The following FBXO27 variants were observed in gnomAD, a reference collection of about 807,000 sequenced individuals.
FBXO27 encodes F-box only protein 27.
Under a neutral mutation model 28.3 loss-of-function variants are expected in FBXO27, and 28 were observed. The observed-to-expected ratio is 0.99, with a 90% CI of 0.73 to 1.36. The LOEUF (loss-of-function observed/expected upper bound fraction) is 1.36, where lower values mean the gene tolerates loss of function less well. Among genes scored for constraint, FBXO27 ranks in the 40% most tolerant of loss-of-function variants. The pLI, the probability that FBXO27 is intolerant of heterozygous loss-of-function variation, is 0.00. For synonymous variants in FBXO27, 175 were observed against 167.3 expected, an observed-to-expected ratio of 1.05 and a Z score of -0.36; for missense variants, 388 against 394.1, an observed-to-expected ratio of 0.98 and a Z score of 0.13.
chr19:39,011,679 C>A (rs1444758981), intron 2 of FBXO27, among the ~76,000 whole-genome samples: 1 of 82,264 alleles, frequency 1.2e-5, no homozygotes. Flanking sequence ...TCTTATTTTT[C>A]GCAGAGATGG....
chr19:39,027,292 G>A lies in FBXO27; in HGVS notation c.573-287C>T, dbSNP rs77007009. Reference sequence around the variant, plus strand: ...CGGAAAGACCCACAATGTGACTTTCGGTGGGGGCTGGGAGTCAGGGAACGT... The same window carrying A: ...CGGAAAGACCCACAATGTGACTTTCAGTGGGGGCTGGGAGTCAGGGAACGT... On this transcript the variant is annotated intron_variant, in intron 4 of 5. Coordinates refer to ENST00000292853, the MANE Select transcript of FBXO27 (RefSeq NM_178820.5). Among the ~76,000 whole-genome samples the A allele has an allele frequency of 8.9e-4, 135 of 152,286 alleles. 6 individuals carry two copies. In the East Asian group the frequency reaches 0.015, roughly 17 times the overall value.
chr19:39,031,493 C>T lies in FBXO27; in HGVS notation c.365-173G>A, dbSNP rs2072903355. 4 of 640,464 alleles carry T rather than the reference C, an allele frequency of 6.2e-6. No individual in the cohort carries two copies. In the East Asian group the frequency reaches 1.1e-4, roughly 17 times the overall value. The allele number at this position is 640,464 out of a possible 1,614,324, so 39.7% of individuals were successfully genotyped here. A position where few individuals can be genotyped will look rare whatever the true frequency, so the allele number is the denominator to read the frequency against. ...ACCAGCTCAGGGCAAAGCCCCGCTC[C>T]TCTGGCCCTTCTCACTGATTTGCAG... On this transcript the variant is annotated intron_variant, in intron 2 of 5. Transcript: ENST00000292853.
In FBXO27 at chr19:39,032,538, T is replaced by G; in HGVS notation, c.-62A>C. 2 of 315,094 alleles carry G rather than the reference T, an allele frequency of 6.3e-6. No homozygotes were observed. The highest frequency in any genetic ancestry group is 5.4e-5 in the Admixed American group (1 of 18,542). The allele number at this position is 315,094 out of a possible 1,614,324, so 19.5% of individuals were successfully genotyped here. ...GGCGGCGCTCCTCGCCGGGATGCCC[T>G]AGCTGTGCCGCAAGCTCCCCACGCC... On this transcript the variant is annotated 5_prime_UTR_variant, in exon 1 of 6. Coordinates refer to ENST00000292853, the MANE Select transcript of FBXO27 (RefSeq NM_178820.5). The surrounding 1 kb of genome is among the most constrained non-coding windows in gnomAD (Gnocchi z 4.7).
chr19:39,011,025 T>A (rs952807687), intron 2 of FBXO27, among the ~76,000 whole-genome samples: 3 of 152,248 alleles, frequency 2.0e-5, no homozygotes, highest in African/African-American at 7.2e-5. Flanking sequence ...AAAGCGTGAA[T>A]CCTCCAACTT....
chr19:39,030,768 A>C, intron 4 of FBXO27: 1 of 481,536 alleles, frequency 2.1e-6, no homozygotes, highest in Non-Finnish European at 3.8e-6. Flanking sequence ...AGGCCCGGCT[A>C]ATTTTTTTTT....
chr19:39,017,765 T>C (rs2072826742), intron 1 of FBXO27, among the ~76,000 whole-genome samples: 1 of 151,954 alleles, frequency 6.6e-6, no homozygotes, highest in African/African-American at 2.4e-5. Flanking sequence ...TACTCAAATG[T>C]CTATCAATAA....
intron 2 of FBXO27, among the ~76,000 whole-genome samples, chr19:39,010,605 T>A (rs2072790045): frequency 6.6e-6 from 1 of 152,192 alleles, no homozygotes; most frequent in Non-Finnish European, 1.5e-5. Context: ...CCATGTCAGT[T>A]TACCGTTGCC....
chr19:39,015,715 A>G (rs2072816610), intron 1 of FBXO27, among the ~76,000 whole-genome samples: 1 of 152,200 alleles, frequency 6.6e-6, no homozygotes, highest in East Asian at 1.9e-4. Context: ...AGGTAAGGAT[A>G]CATACTGCAT....
chr19:39,018,641 G>T (rs1365873067), intron 1 of FBXO27, among the ~76,000 whole-genome samples: 1 of 152,118 alleles, frequency 6.6e-6, no homozygotes, highest in Non-Finnish European at 1.5e-5. Flanking sequence ...AGCTGCAGTT[G>T]CCTGACATTT....
chr19:39,010,451 A>G (rs1008172242), intron 2 of FBXO27, among the ~76,000 whole-genome samples: 1 of 152,160 alleles, frequency 6.6e-6, no homozygotes, highest in Non-Finnish European at 1.5e-5. Flanking sequence ...TCTCGATTCT[A>G]TTCCATTGAT....
chr19:39,017,558 G>A (rs2072825634), intron 1 of FBXO27, among the ~76,000 whole-genome samples: 1 of 151,620 alleles, frequency 6.6e-6, no homozygotes, highest in Non-Finnish European at 1.5e-5. Flanking sequence ...AGCTGGGCAT[G>A]GTGGCACGTG....
downstream of FBXO27, among the ~76,000 whole-genome samples, chr19:39,020,887 C>T (rs2072842264): frequency 6.6e-6 from 1 of 151,622 alleles, no homozygotes; most frequent in South Asian, 2.1e-4. Context: ...TGGAGTCTCG[C>T]TCTGTCACCC....
At position 39,031,212 on chromosome 19, in the gene FBXO27, A is replaced by G. The variant is rs758754066; in HGVS notation, c.473T>C (p.Phe158Ser). 8 of 1,613,958 alleles carry G rather than the reference A, an allele frequency of 5.0e-6. No homozygotes were observed. The highest frequency in any genetic ancestry group is 6.8e-6 in the Non-Finnish European group (8 of 1,180,008). Residue 158 changes from phenylalanine (F) to serine (S), a missense_variant, in exon 3 of 6, where the codon TTC becomes TCC. Coordinates refer to ENST00000292853, the MANE Select transcript of FBXO27 (RefSeq NM_178820.5). ...APSQTCFVTS[F>S]SWCCKKQVLD... ...TTTGGATAGCAGGGGCATTCACCTG[A>G]ATGAAGTCACGAAGCACGTCTGAGA... is the stretch of plus-strand genomic sequence containing the variant.
At chr19:39,012,831 G>A (rs978107994) in intron 2 of FBXO27, among the ~76,000 whole-genome samples, 8 of 151,726 alleles carry the variant, frequency 5.3e-5, no homozygotes, top group Non-Finnish European at 1.0e-4. Context: ...GTGGAGGCGC[G>A]GGCCTGTAGT....
At chr19:39,021,698 T>C (rs1341012932), downstream of FBXO27, among the ~76,000 whole-genome samples, 4 of 152,062 alleles carry the variant, frequency 2.6e-5, no homozygotes, top group Non-Finnish European at 4.4e-5. Context: ...AGTCTTGCTG[T>C]GTTGCCCAGG....
At chr19:39,011,679 C>T (rs1444758981) in intron 2 of FBXO27, among the ~76,000 whole-genome samples, 4 of 82,352 alleles carry the variant, frequency 4.9e-5, no homozygotes, top group East Asian at 7.1e-4. Context: ...TCTTATTTTT[C>T]GCAGAGATGG....
downstream of FBXO27, among the ~76,000 whole-genome samples, chr19:39,023,352 C>A (rs1349792118): frequency 6.6e-6 from 1 of 152,178 alleles, no homozygotes. Context: ...TTATCGAAAG[C>A]TTTGAGCTGG....
chr19:39,014,919 G>A (rs2072812540), intron 1 of FBXO27, among the ~76,000 whole-genome samples: 1 of 151,584 alleles, frequency 6.6e-6, no homozygotes, highest in Admixed American at 6.6e-5. Flanking sequence ...TTGGGAGGCT[G>A]AGGCAAGAGA....
chr19:39,007,099 G>T (rs1026314323), intron 2 of FBXO27, among the ~76,000 whole-genome samples: 1 of 136,344 alleles, frequency 7.3e-6, no homozygotes, highest in African/African-American at 2.7e-5. Flanking sequence ...TACAATCCCA[G>T]AGGGCACACG....
Sources: allele counts gnomAD v4.1 joint callset (sites outside exome capture counted in the v4.1 genomes callset), GRCh38; gene constraint gnomAD v4.1.1; non-coding constraint Gnocchi (gnomAD v3.1); transcripts MANE v1.5; gene names NCBI Gene and HGNC (gene_info 2026-07-23, HGNC 2026-07-21).